The following RIMS1 variants were observed in gnomAD, a reference collection of about 807,000 sequenced individuals.
RIMS1 encodes the protein regulating synaptic membrane exocytosis protein 1.
In RIMS1, 83 loss-of-function variants were observed where a neutral mutation model predicts 214.1. The observed-to-expected ratio is 0.39, with a 90% CI of 0.32 to 0.47. RIMS1 has a LOEUF of 0.47. RIMS1 is among the 20% of genes least tolerant of loss of function. RIMS1 has a pLI of 0.99. For missense variants in RIMS1, 2,050 were observed against 2,161.8 expected (o/e 0.95, Z 1.03); for synonymous variants, 793 against 786.8 (o/e 1.01, Z -0.13).
intron 1 of RIMS1, among the ~76,000 whole-genome samples, chr6:71,910,451 T>A (rs1223093343): frequency 6.6e-6 from 1 of 152,064 alleles, no homozygotes; most frequent in Non-Finnish European, 1.5e-5. Context: ...TGGTAGCCAG[T>A]TGGTATACAA....
At chr6:72,124,514 A>C (rs1268992666) in intron 4 of RIMS1, among the ~76,000 whole-genome samples, 3 of 151,766 alleles carry the variant, frequency 2.0e-5, no homozygotes, top group African/African-American at 4.8e-5. Context: ...CTGAAGTTGA[A>C]TGTTGGCCAG....
intron 7 of RIMS1, among the ~76,000 whole-genome samples, chr6:72,234,330 A>G (rs1415902294): frequency 6.6e-6 from 1 of 152,038 alleles, no homozygotes; most frequent in East Asian, 1.9e-4. Context: ...AAGAAATTGC[A>G]TCATGCTGCA....
chr6:72,214,484 AAATT>A lies in RIMS1; in HGVS notation c.1679-19285_1679-19282del, dbSNP rs1475357442. On this transcript the variant is annotated intron_variant, in intron 6 of 33. Transcript: ENST00000521978. ...TTGGGGAACTCACGGTAATTATACT[AAATT>A]AATATAAATTCATGAGATGGAATGA... 2.2e-4 allele frequency among the ~76,000 whole-genome samples: 34 copies of A among 152,296 alleles called. 1 individual carries two copies. The highest frequency in any genetic ancestry group is 1.9e-3 in the Admixed American group (29 of 15,306).
chr6:72,367,366 T>C (rs1249344835), intron 29 of RIMS1, among the ~76,000 whole-genome samples: 4 of 152,212 alleles, frequency 2.6e-5, no homozygotes, highest in African/African-American at 4.8e-5. Context: ...TTCAGAAGTA[T>C]ATTTACTTTG....
At chr6:72,311,196 G>A (rs1336434283) in intron 27 of RIMS1, among the ~76,000 whole-genome samples, 1 of 152,122 alleles carries the variant, frequency 6.6e-6, no homozygotes, top group Non-Finnish European at 1.5e-5. Context: ...CATGGGCAAG[G>A]TATCATCCCA....
intron 29 of RIMS1, among the ~76,000 whole-genome samples, chr6:72,373,453 G>T (rs1564634038): frequency 6.6e-6 from 1 of 152,022 alleles, no homozygotes; most frequent in African/African-American, 2.4e-5. Context: ...AAACATTTTT[G>T]TGTGTGATTA....
Position 72,366,533 on chromosome 6 carries a change from G to A in RIMS1, c.4367-24065G>A, listed in dbSNP as rs143600669. On this transcript the variant is annotated intron_variant, in intron 29 of 33. Transcript: ENST00000521978. The stretch of plus-strand genomic sequence containing the variant: ...TGACTGTGGCAGTTTTCAAATTGTG[G>A]CCCTTTAGCAGTTTTCAAATTTATG... 1.2e-3 allele frequency among the ~76,000 whole-genome samples: 181 copies of A among 152,256 alleles called. 1 individual carries two copies. Among genetic ancestry groups the A allele is most frequent in the African/African-American group, 4.0e-3 (165 of 41,552 alleles).
intron 2 of RIMS1, among the ~76,000 whole-genome samples, chr6:72,011,374 C>G (rs955568295): frequency 6.6e-6 from 1 of 152,180 alleles, no homozygotes; most frequent in Non-Finnish European, 1.5e-5. Context: ...ACCATAAAAA[C>G]TCGAGAAGAA....
intron 1 of RIMS1, among the ~76,000 whole-genome samples, chr6:71,926,666 T>C (rs575916979): frequency 2.5e-4 from 38 of 152,342 alleles, no homozygotes; most frequent in Admixed American, 1.1e-3. Flanking sequence ...ATTAAGTTAA[T>C]GAACAAACCT....
intron 1 of RIMS1, among the ~76,000 whole-genome samples, chr6:71,955,172 A>ATT (rs1004456255): frequency 6.7e-6 from 1 of 148,536 alleles, no homozygotes; most frequent in African/African-American, 2.5e-5. Context: ...TTCTATGGAC[A>ATT]TTTTTTTTTT....
Position 72,100,943 on chromosome 6 carries a change from A to G in RIMS1, c.471+957A>G, listed in dbSNP as rs556746600. Among the ~76,000 whole-genome samples, 4 of 152,126 alleles carry G rather than the reference A, an allele frequency of 2.6e-5. No homozygotes were observed. In the East Asian group the frequency reaches 5.8e-4, roughly 22 times the overall value. On this transcript the variant is annotated intron_variant, in intron 4 of 33. Coordinates refer to ENST00000521978, the MANE Select transcript of RIMS1 (RefSeq NM_014989.7). ...AAAAGAAATAGAGTTGAAAAATTAT[A>G]TAGGATAATCTATTTTTGGTATTTA...
At chr6:72,150,541 CA>C (rs1345484147) in intron 4 of RIMS1, among the ~76,000 whole-genome samples, 2 of 152,126 alleles carry the variant, frequency 1.3e-5, no homozygotes, top group Admixed American at 1.3e-4. Context: ...GAAAAATATT[CA>C]AGAATATTTG....
intron 1 of RIMS1, among the ~76,000 whole-genome samples, chr6:71,936,709 G>A (rs1784567835): frequency 6.6e-6 from 1 of 152,154 alleles, no homozygotes; most frequent in African/African-American, 2.4e-5. Flanking sequence ...GATTGTTTTT[G>A]GCTTTGGGGA....
chr6:72,343,564 GC>G (rs2097169181), intron 29 of RIMS1, among the ~76,000 whole-genome samples: 1 of 125,156 alleles, frequency 8.0e-6, no homozygotes, highest in Non-Finnish European at 1.6e-5. Context: ...TCCTGCCTCA[GC>G]CTCCCAAAGT....
intron 2 of RIMS1, among the ~76,000 whole-genome samples, chr6:72,023,966 G>T: frequency 6.6e-6 from 1 of 152,184 alleles, no homozygotes; most frequent in South Asian, 2.1e-4. Flanking sequence ...CTCCTTCAAA[G>T]ACATGTCCAT....
chr6:72,263,066 TTAAC>T (rs1458021323), intron 19 of RIMS1: 3 of 955,252 alleles, frequency 3.1e-6, no homozygotes, highest in Admixed American at 6.2e-5. Flanking sequence ...TATCTTCTGT[TTAAC>T]TAGTTTTTCC....
At chr6:72,206,796 C>T (rs1342419166) in intron 6 of RIMS1, among the ~76,000 whole-genome samples, 2 of 152,174 alleles carry the variant, frequency 1.3e-5, no homozygotes, top group Admixed American at 6.5e-5. Flanking sequence ...CCTGGACTGA[C>T]TTCTCTACTG....
At chr6:72,149,793 T>G (rs550740679) in intron 4 of RIMS1, among the ~76,000 whole-genome samples, 1 of 152,344 alleles carries the variant, frequency 6.6e-6, no homozygotes, top group South Asian at 2.1e-4. Flanking sequence ...ACATCCTTGA[T>G]TGAGCCTTTC....
chr6:72,206,380 TTATTC>T lies in RIMS1; in HGVS notation c.1678+23235_1678+23239del, dbSNP rs1357552152. Reference sequence around the variant, plus strand: ...CACTTTTCTCAAAAATTTACTGTCTTTATTCTATCTTCTATGATATGATTTGGAAT... The same window carrying T: ...CACTTTTCTCAAAAATTTACTGTCTTTATCTTCTATGATATGATTTGGAAT... On this transcript the variant is annotated intron_variant, in intron 6 of 33. Transcript: ENST00000521978. Among the ~76,000 whole-genome samples, 17 of 152,346 alleles carry T rather than the reference TTATTC, an allele frequency of 1.1e-4. No homozygotes were observed. The South Asian group carries it at 2.9e-3, about 26-fold the overall frequency.
Sources: gnomAD v4.1 joint callset for allele counts (sites outside exome capture counted in the v4.1 genomes callset) on GRCh38, gnomAD v4.1.1 for gene constraint, MANE v1.5 for transcripts, NCBI Gene and HGNC (gene_info 2026-07-23, HGNC 2026-07-21) for gene names.